Variants in CTNND2 observed in about 807,000 individuals in gnomAD.
CTNND2 encodes catenin delta 2.
CTNND2 carries 22 observed loss-of-function variants against 144.4 expected under a neutral mutation model. The ratio of observed to expected loss-of-function variants is 0.15; its 90% CI spans 0.11 to 0.22. CTNND2 has a LOEUF of 0.22. CTNND2 is among the 10% of genes least tolerant of loss of function. The probability of loss-of-function intolerance (pLI) is 1.00; values close to 1 mark genes in which losing one functional copy is unlikely to be tolerated. For missense variants in CTNND2, 1,353 were observed against 1,618.8 expected (o/e 0.84, Z 2.82); for synonymous variants, 751 against 695.6 (o/e 1.08, Z -1.25).
At chr5:11,218,664 A>T (rs747644367) in intron 10 of CTNND2, among the ~76,000 whole-genome samples, 1 of 152,216 alleles carries the variant, frequency 6.6e-6, no homozygotes, top group Non-Finnish European at 1.5e-5. Flanking sequence ...GAATACTGTC[A>T]AAGCCACATG....
At chr5:11,083,959 CATGAA>C in intron 15 of CTNND2, 1 of 1,106,106 alleles carries the variant, frequency 9.0e-7, no homozygotes, top group Middle Eastern at 2.5e-4. Context: ...CCCAGCCCTG[CATGAA>C]ATATGAAATC....
chr5:11,328,139 CAT>C (rs1382171037), intron 9 of CTNND2, among the ~76,000 whole-genome samples: 1 of 152,110 alleles, frequency 6.6e-6, no homozygotes, highest in Non-Finnish European at 1.5e-5. Context: ...TTGATTTATA[CAT>C]ATGTTTAATG....
chr5:11,724,169 A>AT (rs79480896), intron 2 of CTNND2, among the ~76,000 whole-genome samples: 19,522 of 152,170 alleles, frequency 0.13, 1,446 homozygotes, highest in Non-Finnish European at 0.16. Flanking sequence ...ATAGTTAACT[A>AT]TTGAAAGGTT....
chr5:11,815,684 T>C (rs901448380), intron 1 of CTNND2, among the ~76,000 whole-genome samples: 7 of 152,170 alleles, frequency 4.6e-5, no homozygotes, highest in Admixed American at 4.6e-4. Context: ...GTGCCAGCAG[T>C]TTGTTAATAC....
intron 9 of CTNND2, among the ~76,000 whole-genome samples, chr5:11,315,006 A>G (rs1220687987): frequency 1.3e-5 from 2 of 152,240 alleles, no homozygotes; most frequent in Admixed American, 1.3e-4. Context: ...TTAAAATTCA[A>G]TTATAACTGG....
intron 18 of CTNND2, among the ~76,000 whole-genome samples, chr5:11,005,601 G>A (rs537980380): frequency 1.2e-4 from 18 of 152,094 alleles, no homozygotes; most frequent in Admixed American, 2.0e-4. Context: ...AAAGAAGGAA[G>A]TATTAGTTGG....
At chr5:11,835,009 C>A (rs768622322) in intron 1 of CTNND2, among the ~76,000 whole-genome samples, 18 of 152,108 alleles carry the variant, frequency 1.2e-4, no homozygotes, top group African/African-American at 3.9e-4. Context: ...CATGCTGGCA[C>A]GTGTCTGTAG....
chr5:11,017,563 CAT>C (rs56181554), intron 18 of CTNND2, among the ~76,000 whole-genome samples: 32 of 142,794 alleles, frequency 2.2e-4, no homozygotes, highest in Non-Finnish European at 3.5e-4. Context: ...GATATATATA[CAT>C]ATATATATAT....
At chr5:11,741,656 C>G (rs1788017344) in intron 1 of CTNND2, among the ~76,000 whole-genome samples, 1 of 151,674 alleles carries the variant, frequency 6.6e-6, no homozygotes. Flanking sequence ...CAACATGGCA[C>G]ATGTATACTT....
At chr5:11,262,341 T>G (rs1016723978) in intron 9 of CTNND2, among the ~76,000 whole-genome samples, 6 of 152,192 alleles carry the variant, frequency 3.9e-5, no homozygotes, top group Non-Finnish European at 5.9e-5. Flanking sequence ...TGCTGTCTCC[T>G]TGTTCCTACT....
At chr5:11,183,836 G>T (rs1349908981) in intron 11 of CTNND2, among the ~76,000 whole-genome samples, 1 of 152,122 alleles carries the variant, frequency 6.6e-6, no homozygotes, top group Non-Finnish European at 1.5e-5. Context: ...TGGGATTACA[G>T]GCTTGAGCCA....
chr5:10,992,953 G>A (rs142597426), intron 18 of CTNND2, among the ~76,000 whole-genome samples: 52 of 152,210 alleles, frequency 3.4e-4, no homozygotes, highest in African/African-American at 8.2e-4. Flanking sequence ...CAGAAGCTTC[G>A]ACTTCGATGA....
chr5:11,156,722 G>C (rs923760831), intron 12 of CTNND2, among the ~76,000 whole-genome samples: 1 of 79,384 alleles, frequency 1.3e-5, no homozygotes, highest in Non-Finnish European at 2.2e-5. Context: ...AACATCAAAG[G>C]TGGAGGTCAA....
At chr5:11,162,912 CATACAG>C (rs1209509583) in intron 11 of CTNND2, among the ~76,000 whole-genome samples, 1 of 88,796 alleles carries the variant, frequency 1.1e-5, no homozygotes, top group Non-Finnish European at 2.3e-5. Context: ...CACACACACA[CATACAG>C]ACACACACAC....
chr5:11,443,407 G>A (rs1483619150), intron 3 of CTNND2, among the ~76,000 whole-genome samples: 2 of 61,104 alleles, frequency 3.3e-5, no homozygotes, highest in South Asian at 6.6e-4. Flanking sequence ...TGTGTGTGGG[G>A]GGGGTGTGTG....
intron 3 of CTNND2, among the ~76,000 whole-genome samples, chr5:11,439,768 CTATCTATCT>C (rs1208112336): frequency 2.0e-5 from 3 of 151,300 alleles, no homozygotes; most frequent in African/African-American, 4.9e-5. Context: ...ATCTATCTAT[CTATCTATCT>C]ATCTATCTAT....
chr5:11,418,038 G>T (rs1762057038), intron 3 of CTNND2, among the ~76,000 whole-genome samples: 1 of 151,950 alleles, frequency 6.6e-6, no homozygotes, highest in Non-Finnish European at 1.5e-5. Context: ...CAAATAAGCT[G>T]ATATTAACTT....
At chr5:11,263,558 G>A (rs1402075740) in intron 9 of CTNND2, among the ~76,000 whole-genome samples, 1 of 151,782 alleles carries the variant, frequency 6.6e-6, no homozygotes, top group Non-Finnish European at 1.5e-5. Flanking sequence ...TGAAGACAGA[G>A]GAAAAGAATG....
intron 1 of CTNND2, among the ~76,000 whole-genome samples, chr5:11,824,142 T>A (rs1016031291): frequency 1.3e-4 from 18 of 142,376 alleles, no homozygotes; most frequent in Non-Finnish European, 3.1e-5. Flanking sequence ...TAAATACTGA[T>A]AAAAAATTAA....
Sources: gnomAD v4.1 joint callset for allele counts (sites outside exome capture counted in the v4.1 genomes callset) on GRCh38, gnomAD v4.1.1 for gene constraint, MANE v1.5 for transcripts, NCBI Gene and HGNC (gene_info 2026-07-23, HGNC 2026-07-21) for gene names.